The following PAX4 variants were observed in gnomAD, a reference collection of about 807,000 sequenced individuals.
PAX4 encodes paired box 4, also known as paired box protein Pax-4.
A neutral mutation model predicts 40.6 loss-of-function variants in PAX4; 33 were observed. The observed-to-expected ratio is 0.81, with a 90% confidence interval of 0.62 to 1.09. The LOEUF (loss-of-function observed/expected upper bound fraction) is 1.09, where lower values mean the gene tolerates loss of function less well. PAX4 is among the 50% of genes least tolerant of loss of function. The pLI is 0.00. For missense variants in PAX4, 459 were observed against 442.5 expected (o/e 1.04, Z -0.33); for synonymous variants, 174 against 170.6 (o/e 1.02, Z -0.16).
intron 11 of PAX4, 22 bp from the exon 12 acceptor site, chr7:127,611,228 G>A: frequency 6.3e-7 from 1 of 1,574,876 alleles, no homozygotes; most frequent in Non-Finnish European, 8.6e-7. Flanking sequence ...AATAGAGAGA[G>A]CTTGGGGTTA....
At chr7:127,612,337 T>G (rs552188467) in intron 9 of PAX4, among the ~76,000 whole-genome samples, 2 of 150,108 alleles carry the variant, frequency 1.3e-5, no homozygotes, top group East Asian at 4.0e-4. Context: ...ATGCACAGAT[T>G]AATGGAAAGA....
Position 127,612,009 on chromosome 7 carries a change from T to A in PAX4, c.716-9A>T. ...CAGCCCCTGGGAAGCACCTATAAAA[T>A]GAGAGTGAATCCACTCAGAAGGAGG... On this transcript the variant is annotated splice_polypyrimidine_tract_variant and intron_variant, in intron 9 of 11. Transcript: ENST00000639438. The A allele has an allele frequency of 6.2e-7, 1 of 1,613,676 alleles. No homozygotes were observed. Among genetic ancestry groups the A allele is most frequent in the South Asian group, 1.1e-5 (1 of 91,006 alleles).
intron 11 of PAX4, 102 bp from the exon 12 acceptor site, chr7:127,611,308 T>G (rs931569764): frequency 1.5e-6 from 2 of 1,309,242 alleles, no homozygotes; most frequent in Non-Finnish European, 2.2e-6. Flanking sequence ...ACCCTGCATA[T>G]ACACACTTGA....
intron 9 of PAX4, 37 bp from the exon 10 acceptor site, chr7:127,612,037 T>A (rs372038294): frequency 1.1e-5 from 17 of 1,605,924 alleles, no homozygotes; most frequent in Non-Finnish European, 1.4e-5. Flanking sequence ...GAAGGAGGAA[T>A]TGGGGTTAGG....
At chr7:127,611,904 C>T in intron 10 of PAX4, 41 bp downstream of exon 10, 1 of 1,613,086 alleles carries the variant, frequency 6.2e-7, no homozygotes, top group Non-Finnish European at 8.5e-7. Context: ...ATGAGCCCTT[C>T]AGTCTTCCCA....
intron 5 of PAX4, 126 bp from the exon 6 acceptor site, chr7:127,614,683 C>T: frequency 1.9e-6 from 2 of 1,075,926 alleles, no homozygotes; most frequent in East Asian, 2.6e-5. Flanking sequence ...AGGGCAGCCT[C>T]CTCTCTCTCT....
chr7:127,611,645 AG>A lies in PAX4; in HGVS notation c.802del (p.Leu268CysfsTer24). On this transcript the variant is annotated frameshift_variant, in exon 11 of 12. Coordinates refer to ENST00000639438, the MANE Select transcript of PAX4 (RefSeq NM_001366110.1). LOFTEE classifies it high-confidence loss of function. ...GGGACCCAGTGGTTCCAGGGCAGGCAGGGCTGCTGTGGGCACACTGCCAGGG... is the reference window on the plus strand; with the variant it reads ...GGGACCCAGTGGTTCCAGGGCAGGCAGGCTGCTGTGGGCACACTGCCAGGG... Reference protein sequence around the residue: ...QSPGSVPTAALPALEPLGPSC... With the variant: ...QSPGSVPTAAXPALEPLGPSC... The A allele has an allele frequency of 6.2e-7, 1 of 1,613,404 alleles. No individual in the cohort carries two copies. Among genetic ancestry groups the A allele is most frequent in the Non-Finnish European group, 8.5e-7 (1 of 1,179,936 alleles).
rs1295396737 is a variant in PAX4, at chr7:127,615,999, G to A, written c.-71C>T. The A allele has an allele frequency of 6.6e-7, 1 of 1,522,828 alleles. No homozygotes were observed. Among genetic ancestry groups the A allele is most frequent in the South Asian group, 1.2e-5 (1 of 83,440 alleles). 94.3% of individuals were successfully genotyped at this position (1,522,828 alleles called of 1,614,324 possible). A position where few individuals can be genotyped will look rare whatever the true frequency, so the allele number is the denominator to read the frequency against. The stretch of plus-strand genomic sequence containing the variant: ...GGCTGGGAAGGGAAGTTCCTTCTAG[G>A]AGCTCCTTTTCCAGCTTGGGGGCTG... On this transcript the variant is annotated 5_prime_UTR_variant, in exon 3 of 12. Coordinates refer to ENST00000639438, the MANE Select transcript of PAX4 (RefSeq NM_001366110.1).
chr7:127,611,032 C>A lies in PAX4; in HGVS notation c.*32G>T. On this transcript the variant is annotated 3_prime_UTR_variant, in exon 12 of 12. Transcript: ENST00000639438. ...GACAATGGGCAGGATGGTATTAGAT[C>A]TTCTCTATGCCATCTCCTTCCCACT... is the stretch of plus-strand genomic sequence containing the variant. The A allele has an allele frequency of 6.3e-7, 1 of 1,581,406 alleles. No homozygotes were observed. Among genetic ancestry groups the A allele is most frequent in the Non-Finnish European group, 8.6e-7 (1 of 1,161,246 alleles).
In PAX4 at chr7:127,610,407, A is replaced by T. The variant is rs1042090490; in HGVS notation, c.*657T>A. ...ATGACAAAATACATATGACAAAAAT[A>T]CATAATTTTCTTAGATTAAGAAGTT... On this transcript the variant is annotated 3_prime_UTR_variant, in exon 12 of 12. Transcript: ENST00000639438. 6.3e-6 allele frequency: 1 copy of T among 159,292 alleles called. No homozygotes were observed. Among genetic ancestry groups the T allele is most frequent in the Non-Finnish European group, 1.4e-5 (1 of 72,306 alleles). 9.9% of individuals were successfully genotyped at this position (159,292 alleles called of 1,614,324 possible).
intron 2 of PAX4, among the ~76,000 whole-genome samples, chr7:127,616,656 C>T (rs1794728405): frequency 6.6e-6 from 1 of 152,230 alleles, no homozygotes; most frequent in Admixed American, 6.5e-5. Context: ...GGAGACGCAT[C>T]TCTTAGCATC....
At chr7:127,616,195 C>T (rs1794721236) in intron 2 of PAX4, among the ~76,000 whole-genome samples, 168 bp from the exon 3 acceptor site, 1 of 152,192 alleles carries the variant, frequency 6.6e-6, no homozygotes, top group Non-Finnish European at 1.5e-5. Context: ...AACTAAAACA[C>T]TGCAGGTTGG....
intron 3 of PAX4, 88 bp from the exon 4 acceptor site, chr7:127,615,619 G>T: frequency 1.2e-6 from 2 of 1,604,836 alleles, no homozygotes; most frequent in South Asian, 1.1e-5. Context: ...CTCCAGCCTG[G>T]CTTCCCACCA....
chr7:127,614,677 C>A, intron 5 of PAX4, 120 bp from the exon 6 acceptor site: 2 of 1,112,582 alleles, frequency 1.8e-6, no homozygotes, highest in Non-Finnish European at 2.7e-6. Context: ...TTCCCAAGGG[C>A]AGCCTCCTCT....
chr7:127,615,412 G>T lies in PAX4; in HGVS notation c.133C>A (p.Arg45=). 1 of 1,614,170 alleles carries T rather than the reference G, an allele frequency of 6.2e-7. No individual in the cohort carries two copies. The highest frequency in any genetic ancestry group is 8.5e-7 in the Non-Finnish European group (1 of 1,180,034). The change falls in exon 4 of 12, where the codon CGG becomes AGG. Residue 45 remains arginine, a synonymous_variant. Coordinates refer to ENST00000639438, the MANE Select transcript of PAX4 (RefSeq NM_001366110.1). ...TGCTGGCCCATTACCTTAAGGATCC[G>T]TGAGATGTCACAGGGCCGCATTCCA... The part of the protein sequence containing the change: ...VSGMRPCDIS[R]ILKVSNGCVS...
chr7:127,611,809 C>T, intron 10 of PAX4, 133 bp from the exon 11 acceptor site: 1 of 1,595,990 alleles, frequency 6.3e-7, no homozygotes, highest in Non-Finnish European at 8.5e-7. Flanking sequence ...ACATAGTAGA[C>T]TTTGGGTTAG....
At chr7:127,615,222 C>A (rs763200800) in intron 4 of PAX4, 127 bp from the exon 5 acceptor site, 314 of 1,594,240 alleles carry the variant, frequency 2.0e-4, no homozygotes, top group Non-Finnish European at 2.4e-4. Context: ...AGTCGGGAGT[C>A]CAGCCTCACC....
Position 127,615,488 on chromosome 7 carries a change from G to A in PAX4, c.57C>T (p.Gly19=). 5.6e-6 allele frequency: 9 copies of A among 1,614,196 alleles called. No homozygotes were observed. The highest frequency in any genetic ancestry group is 1.1e-5 in the South Asian group (1 of 91,074). Residue 19 remains glycine (G), a synonymous_variant, in exon 4 of 12, where the codon GGC becomes GGT. Transcript: ENST00000639438. The part of the protein sequence containing the change: ...MNQLGGLFVN[G]RPLPLDTRQQ... ...GCCGGGTATCCAGAGGCAGGGGCCG[G>A]CCATTCACAAAGAGCCCCCCAAGCT...
At chr7:127,615,649 G>A in intron 3 of PAX4, 118 bp from the exon 4 acceptor site, 2 of 1,586,944 alleles carry the variant, frequency 1.3e-6, no homozygotes, top group Non-Finnish European at 1.7e-6. Flanking sequence ...TCCTCTCCTG[G>A]GAGACTGCAT....
Sources: gnomAD v4.1 joint callset for allele counts (sites outside exome capture counted in the v4.1 genomes callset) on GRCh38, gnomAD v4.1.1 for gene constraint, MANE v1.5 for transcripts, NCBI Gene and HGNC (gene_info 2026-07-23, HGNC 2026-07-21) for gene names.